Variants in PGBD5 observed in about 807,000 individuals in gnomAD.
PGBD5 encodes the protein piggyBac transposable element derived 5, also known as piggyBac transposable element-derived protein 5.
Under a neutral mutation model 47.9 loss-of-function variants are expected in PGBD5, and 14 were observed. That is an observed-to-expected ratio of 0.29 (90% CI 0.19 to 0.46). PGBD5 has a LOEUF of 0.46. Among genes scored for constraint, PGBD5 ranks in the 20% least tolerant of loss-of-function variants. PGBD5 has a pLI of 1.00. For missense variants in PGBD5, 635 were observed against 716.0 expected, an observed-to-expected ratio of 0.89 and a Z score of 1.29; for synonymous variants, 316 against 306.3, an observed-to-expected ratio of 1.03 and a Z score of -0.33.
At chr1:230,397,637 T>A (rs1000251420) in intron 1 of PGBD5, among the ~76,000 whole-genome samples, 1 of 152,190 alleles carries the variant, frequency 6.6e-6, no homozygotes, top group Non-Finnish European at 1.5e-5. Context: ...TCTGGGATAT[T>A]TTTCCCCAAA....
At chr1:230,382,661 T>C (rs925795807) in intron 1 of PGBD5, among the ~76,000 whole-genome samples, 3 of 152,072 alleles carry the variant, frequency 2.0e-5, no homozygotes, top group African/African-American at 7.2e-5. Flanking sequence ...TGAGAGGAGG[T>C]GAGTCTGTTA....
At chr1:230,344,200 G>T (rs1370096046) in intron 3 of PGBD5, among the ~76,000 whole-genome samples, 1 of 152,114 alleles carries the variant, frequency 6.6e-6, no homozygotes, top group East Asian at 1.9e-4. Context: ...CAGGAGAATG[G>T]TGTGAACCCA....
intron 6 of PGBD5, among the ~76,000 whole-genome samples, chr1:230,324,353 G>A (rs1196489806): frequency 6.6e-6 from 1 of 152,232 alleles, no homozygotes; most frequent in Non-Finnish European, 1.5e-5. Context: ...AACACAGCAA[G>A]GTGCCAGTAC....
Position 230,411,001 on chromosome 1 carries a change from C to G in PGBD5, c.331+14597G>C, listed in dbSNP as rs531719070. ...AAGGAAAAGGGAGAGAGGCCAGGTA[C>G]AGTGGCTCACACTATCTGTAATCCC... On this transcript the variant is annotated intron_variant, in intron 1 of 6. Coordinates refer to ENST00000391860, the MANE Select transcript of PGBD5 (RefSeq NM_001258311.2). Among the ~76,000 whole-genome samples the G allele has an allele frequency of 2.0e-5, 3 of 152,012 alleles. No homozygotes were observed. In the South Asian group the frequency reaches 6.2e-4, roughly 32 times the overall value.
chr1:230,406,566 TTAAG>T (rs1451316356), intron 1 of PGBD5, among the ~76,000 whole-genome samples: 1 of 152,116 alleles, frequency 6.6e-6, no homozygotes, highest in African/African-American at 2.4e-5. Context: ...GTTATAAAAT[TTAAG>T]TAATAATACA....
rs1314108554 is a variant in PGBD5, at chr1:230,316,564, AC to A, written c.*6860del. On this transcript the variant is annotated 3_prime_UTR_variant, in exon 7 of 7. Coordinates refer to ENST00000391860, the MANE Select transcript of PGBD5 (RefSeq NM_001258311.2). ...AAAGACAGGAAAGTCTAGAGAAAGAACTAGTCAAAAAGTGAAAAATCCTCAT... is the reference window on the plus strand; with the variant it reads ...AAAGACAGGAAAGTCTAGAGAAAGAATAGTCAAAAAGTGAAAAATCCTCAT... 3.3e-5 allele frequency: 5 copies of A among 152,290 alleles called. No homozygotes were observed. The South Asian group carries it at 6.2e-4, about 19-fold the overall frequency. The allele number at this position is 152,290 out of a possible 1,614,324, so 9.4% of individuals were successfully genotyped here.
At chr1:230,412,379 C>A (rs547525396) in intron 1 of PGBD5, among the ~76,000 whole-genome samples, 57 of 150,062 alleles carry the variant, frequency 3.8e-4, no homozygotes, top group Non-Finnish European at 6.9e-4. Context: ...AATGGATCAT[C>A]CTAAAGTCTT....
intron 2 of PGBD5, among the ~76,000 whole-genome samples, chr1:230,355,273 G>C (rs1002441880): frequency 1.3e-5 from 2 of 152,318 alleles, no homozygotes; most frequent in African/African-American, 4.8e-5. Context: ...CTGTACCTGG[G>C]AGCTGCAGAG....
Position 230,325,424 on chromosome 1 carries a change from G to A in PGBD5, c.1274-9C>T, listed in dbSNP as rs1257012554. On this transcript the variant is annotated splice_polypyrimidine_tract_variant and intron_variant, in intron 5 of 6. Transcript: ENST00000391860. ...CCTTTTGATGATGACTCCTGAAGGC[G>A]AGAGACAAGATAAGCCCCTTCCTCA... 16 of 1,602,398 alleles carry A rather than the reference G, an allele frequency of 1.0e-5. No homozygotes were observed. Among genetic ancestry groups the A allele is most frequent in the Admixed American group, 5.0e-5 (3 of 59,500 alleles).
intron 3 of PGBD5, among the ~76,000 whole-genome samples, chr1:230,348,932 T>C (rs537322626): frequency 4.7e-4 from 71 of 152,372 alleles, no homozygotes; most frequent in African/African-American, 1.6e-3. Flanking sequence ...GCTACGCTGC[T>C]TTTGACTGGG....
At chr1:230,401,882 C>T (rs950987581) in intron 1 of PGBD5, among the ~76,000 whole-genome samples, 3 of 152,208 alleles carry the variant, frequency 2.0e-5, no homozygotes, top group African/African-American at 7.2e-5. Flanking sequence ...CTGACATCCA[C>T]AACTGCTCCC....
intron 3 of PGBD5, among the ~76,000 whole-genome samples, chr1:230,339,574 A>G (rs543905422): frequency 6.6e-6 from 1 of 152,374 alleles, no homozygotes; most frequent in South Asian, 2.1e-4. Context: ...TCACTGCTGC[A>G]TTATTCACAA....
At chr1:230,331,265 CATT>C (rs1057385428) in intron 5 of PGBD5, among the ~76,000 whole-genome samples, 1 of 151,874 alleles carries the variant, frequency 6.6e-6, no homozygotes, top group Non-Finnish European at 1.5e-5. Flanking sequence ...TACAAAAAAA[CATT>C]AGCCGGGCGC....
At chr1:230,368,291 G>A in intron 1 of PGBD5, 3 of 1,158,232 alleles carry the variant, frequency 2.6e-6, no homozygotes, top group Non-Finnish European at 3.3e-6. Flanking sequence ...AGGCCAAGTG[G>A]CCCCTCCCCA....
At chr1:230,383,246 T>A (rs1205898670) in intron 1 of PGBD5, among the ~76,000 whole-genome samples, 13 of 151,532 alleles carry the variant, frequency 8.6e-5, no homozygotes, top group South Asian at 2.1e-4. Flanking sequence ...ATTAAAAAAA[T>A]TTTTTTTTGT....
At position 230,315,395 on chromosome 1, in the gene PGBD5, A is replaced by T. The variant is rs1440211572; in HGVS notation, c.*8030T>A. On this transcript the variant is annotated 3_prime_UTR_variant, in exon 7 of 7. Transcript: ENST00000391860. ...CGGTCCCCATTCAGCCCCGGGAGCCACTCGGATCAAGTCTGGCTGTATCCC... is the reference window on the plus strand; with the variant it reads ...CGGTCCCCATTCAGCCCCGGGAGCCTCTCGGATCAAGTCTGGCTGTATCCC... 1 of 138,678 alleles carries T rather than the reference A, an allele frequency of 7.2e-6. No individual in the cohort carries two copies. The highest frequency in any genetic ancestry group is 1.5e-5 in the Non-Finnish European group (1 of 66,670). 8.6% of individuals were successfully genotyped at this position (138,678 alleles called of 1,614,324 possible). A position where few individuals can be genotyped will look rare whatever the true frequency, so the allele number is the denominator to read the frequency against.
intron 1 of PGBD5, among the ~76,000 whole-genome samples, chr1:230,410,114 C>T (rs1225705282): frequency 6.6e-6 from 1 of 152,018 alleles, no homozygotes; most frequent in Non-Finnish European, 1.5e-5. Context: ...AAGAAGAAGG[C>T]AGGGATGGCA....
At chr1:230,388,415 ATTT>A (rs1000234500) in intron 1 of PGBD5, among the ~76,000 whole-genome samples, 3 of 134,470 alleles carry the variant, frequency 2.2e-5, no homozygotes, top group African/African-American at 2.7e-5. Flanking sequence ...TGTTGGCCAC[ATTT>A]TTTTTTTTTT....
At position 230,328,188 on chromosome 1, in the gene PGBD5, G is replaced by A. The variant is rs76466709; in HGVS notation, c.1274-2773C>T. On this transcript the variant is annotated intron_variant, in intron 5 of 6. Transcript: ENST00000391860. ...ACCTCCTGATTTCAGCCCAATAAGAGCAGAGGCTCCTGGACTGTCACTGTC... is the reference window on the plus strand; with the variant it reads ...ACCTCCTGATTTCAGCCCAATAAGAACAGAGGCTCCTGGACTGTCACTGTC... Among the ~76,000 whole-genome samples the A allele has an allele frequency of 3.9e-3, 597 of 152,292 alleles. 8 individuals are homozygous for A. The East Asian group carries it at 0.052, about 13-fold the overall frequency.
Sources: gnomAD v4.1 joint callset for allele counts (sites outside exome capture counted in the v4.1 genomes callset) on GRCh38, gnomAD v4.1.1 for gene constraint, MANE v1.5 for transcripts, NCBI Gene and HGNC (gene_info 2026-07-23, HGNC 2026-07-21) for gene names.